The following NCKAP5 variants were observed in gnomAD, a reference collection of about 807,000 sequenced individuals.
NCKAP5 encodes the protein nck-associated protein 5.
NCKAP5 carries 92 observed loss-of-function variants against 167.0 expected under a neutral mutation model. The ratio of observed to expected loss-of-function variants is 0.55; its 90% CI spans 0.47 to 0.66. NCKAP5 has a LOEUF of 0.66. NCKAP5 is among the 30% of genes least tolerant of loss of function. NCKAP5 has a pLI of 0.00. For synonymous variants in NCKAP5, 891 were observed against 877.4 expected (o/e 1.02, Z -0.27); for missense variants, 2,378 against 2,315.0 (o/e 1.03, Z -0.56).
At chr2:133,220,830 A>G (rs903232455) in intron 4 of NCKAP5, among the ~76,000 whole-genome samples, 3 of 152,150 alleles carry the variant, frequency 2.0e-5, no homozygotes, top group African/African-American at 7.2e-5. Context: ...AGACAAATCA[A>G]TGTTCCCTTG....
At chr2:132,761,297 C>T (rs1040871226) in intron 16 of NCKAP5, among the ~76,000 whole-genome samples, 5 of 152,112 alleles carry the variant, frequency 3.3e-5, no homozygotes, top group Non-Finnish European at 5.9e-5. Context: ...ATTTGAGGAA[C>T]GTTAAAGAAC....
intron 16 of NCKAP5, among the ~76,000 whole-genome samples, chr2:132,736,971 C>T (rs181001238): frequency 6.6e-6 from 1 of 152,312 alleles, no homozygotes; most frequent in Admixed American, 6.5e-5. Context: ...CTGGTCAACC[C>T]TCTCACCTGT....
At chr2:133,275,504 T>C (rs1047590093) in intron 4 of NCKAP5, among the ~76,000 whole-genome samples, 2 of 151,998 alleles carry the variant, frequency 1.3e-5, no homozygotes, top group African/African-American at 4.8e-5. Flanking sequence ...CACCTGTTGA[T>C]AACAATGCAA....
chr2:133,649,021 A>G, the NCKAP5 span, among the ~76,000 whole-genome samples: 52 of 151,966 alleles, frequency 3.4e-4, 1 homozygote, highest in African/African-American at 1.2e-3. Context: ...AAAGAGAAAG[A>G]CTCAAATACA....
intron 6 of NCKAP5, among the ~76,000 whole-genome samples, chr2:133,084,128 T>C (rs1256454219): frequency 6.6e-6 from 1 of 152,058 alleles, no homozygotes; most frequent in Non-Finnish European, 1.5e-5. Flanking sequence ...AACACAGTGT[T>C]TTGGAGAACT....
chr2:132,994,226 C>T lies in NCKAP5; in HGVS notation c.355G>A (p.Val119Ile). ...QQQFSRMEET[V>I]RNLLQSQGSP... ...CCTTGACTCTGCAATAGATTTCGTA[C>T]TGTTTCTTCCATCCTGAGAAACAAA... Residue 119 changes from valine to isoleucine, a missense_variant, in exon 7 of 20, where the codon GTA becomes ATA. Val to Ile is a conservative substitution (Grantham distance 29). Coordinates refer to ENST00000409261, the MANE Select transcript of NCKAP5 (RefSeq NM_207363.3). 6.3e-7 allele frequency: 1 copy of T among 1,583,428 alleles called. No individual in the cohort carries two copies. Among genetic ancestry groups the T allele is most frequent in the Non-Finnish European group, 8.6e-7 (1 of 1,164,450 alleles).
chr2:133,613,702 G>A, the NCKAP5 span, among the ~76,000 whole-genome samples: 1 of 152,138 alleles, frequency 6.6e-6, no homozygotes, highest in Admixed American at 6.6e-5. Flanking sequence ...CCCACATGCG[G>A]ACTGGTTCTA....
At chr2:133,466,024 T>C (rs1014063037) in intron 3 of NCKAP5, among the ~76,000 whole-genome samples, 5 of 151,824 alleles carry the variant, frequency 3.3e-5, no homozygotes, top group African/African-American at 9.7e-5. Flanking sequence ...TGAGATCCCA[T>C]TTGTCAATTT....
intron 3 of NCKAP5, among the ~76,000 whole-genome samples, chr2:133,361,296 G>A (rs994342126): frequency 6.6e-6 from 1 of 152,186 alleles, no homozygotes; most frequent in African/African-American, 2.4e-5. Context: ...AAAGGGAAAG[G>A]AGGGCAATTT....
chr2:133,515,149 G>A (rs1030986850), intron 3 of NCKAP5, among the ~76,000 whole-genome samples: 8 of 152,018 alleles, frequency 5.3e-5, no homozygotes, highest in African/African-American at 1.9e-4. Context: ...TCTCATCCCT[G>A]GTCTAGCTTT....
At chr2:133,417,155 GTTTC>G (rs1246447883) in intron 3 of NCKAP5, among the ~76,000 whole-genome samples, 27 of 146,874 alleles carry the variant, frequency 1.8e-4, no homozygotes, top group Non-Finnish European at 3.3e-4. Flanking sequence ...TGTTTTGTTT[GTTTC>G]TTTCTTTTAA....
intron 3 of NCKAP5, among the ~76,000 whole-genome samples, chr2:133,447,291 G>C (rs1691258273): frequency 6.6e-6 from 1 of 152,152 alleles, no homozygotes; most frequent in Non-Finnish European, 1.5e-5. Flanking sequence ...AGAATTCAGA[G>C]GTAAATGTCA....
intron 9 of NCKAP5, among the ~76,000 whole-genome samples, chr2:132,873,262 C>T (rs1690980642): frequency 6.6e-6 from 1 of 152,020 alleles, no homozygotes; most frequent in African/African-American, 2.4e-5. Context: ...CACCACCATG[C>T]CCAGCTCATT....
chr2:132,796,788 C>CG, intron 11 of NCKAP5, 59 bp from the exon 12 acceptor site: 1 of 1,215,804 alleles, frequency 8.2e-7, no homozygotes, highest in East Asian at 2.5e-5. Flanking sequence ...GTCTCAAAAT[C>CG]CTGCCTTGGA....
intron 6 of NCKAP5, among the ~76,000 whole-genome samples, chr2:133,074,445 G>A (rs139180893): frequency 4.3e-4 from 65 of 152,072 alleles, no homozygotes; most frequent in African/African-American, 1.4e-3. Flanking sequence ...CTGCAGCCTC[G>A]ACCTCCTGAG....
chr2:133,641,197 A>G, the NCKAP5 span, among the ~76,000 whole-genome samples: 1 of 152,210 alleles, frequency 6.6e-6, no homozygotes, highest in Non-Finnish European at 1.5e-5. Flanking sequence ...GGTTAGCAAT[A>G]AGACATTTCT....
At chr2:133,115,773 G>GTATA (rs1486037522) in intron 6 of NCKAP5, among the ~76,000 whole-genome samples, 9 of 56,138 alleles carry the variant, frequency 1.6e-4, no homozygotes, top group African/African-American at 6.6e-4. Context: ...ATATGTGTGT[G>GTATA]TGTATATATA....
At chr2:133,639,886 C>T in the NCKAP5 span, among the ~76,000 whole-genome samples, 16,810 of 151,930 alleles carry the variant, frequency 0.11, 1,091 homozygotes, top group East Asian at 0.26. Flanking sequence ...AAAATAAATG[C>T]GGAATGTCAT....
intron 3 of NCKAP5, among the ~76,000 whole-genome samples, chr2:133,323,993 T>C (rs560473404): frequency 1.3e-5 from 2 of 152,234 alleles, no homozygotes; most frequent in South Asian, 4.1e-4. Flanking sequence ...GTCCTAGCTA[T>C]GTGAGTTAGA....
Sources: gnomAD v4.1 joint callset for allele counts (sites outside exome capture counted in the v4.1 genomes callset) on GRCh38, gnomAD v4.1.1 for gene constraint, MANE v1.5 for transcripts, NCBI Gene and HGNC (gene_info 2026-07-23, HGNC 2026-07-21) for gene names.